The following NCR2 variants were observed in gnomAD, a reference collection of about 807,000 sequenced individuals.
NCR2 encodes natural cytotoxicity triggering receptor 2.
Under a neutral mutation model 30.7 loss-of-function variants are expected in NCR2, and 35 were observed. The observed-to-expected ratio is 1.14, with a 90% CI of 0.87 to 1.51. The LOEUF (loss-of-function observed/expected upper bound fraction) is 1.51. Among genes scored for constraint, NCR2 ranks in the 40% most tolerant of loss-of-function variants. The probability of loss-of-function intolerance (pLI) is 0.00; values close to 1 mark genes in which losing one functional copy is unlikely to be tolerated. For missense variants in NCR2, 316 were observed against 328.9 expected, an observed-to-expected ratio of 0.96 and a Z score of 0.30; for synonymous variants, 146 against 134.8, an observed-to-expected ratio of 1.08 and a Z score of -0.58.
intron 4 of NCR2, among the ~76,000 whole-genome samples, chr6:41,344,399 T>C (rs571038924): frequency 2.6e-5 from 4 of 152,332 alleles, no homozygotes; most frequent in African/African-American, 9.6e-5. Flanking sequence ...ACCCCCACAG[T>C]GCTGTTGTCT....
At chr6:41,342,964 C>T in intron 4 of NCR2, 1 of 1,550,624 alleles carries the variant, frequency 6.4e-7, no homozygotes, top group South Asian at 1.2e-5. Flanking sequence ...GTCTCTGCTG[C>T]ACCCAGCTCA....
intron 4 of NCR2, among the ~76,000 whole-genome samples, chr6:41,345,983 A>G (rs1451049917): frequency 1.3e-5 from 2 of 152,072 alleles, no homozygotes; most frequent in African/African-American, 4.8e-5. Flanking sequence ...GGGTGGGGTC[A>G]GTGTCCTCTG....
In NCR2 at chr6:41,335,907, C is replaced by T. The variant is rs375455161; in HGVS notation, c.31C>T (p.Leu11=). MAWRALHPLL[L]LLLLFPGSQA... The stretch of plus-strand genomic sequence containing the variant: ...CTGGCGAGCCCTACACCCACTGCTA[C>T]TGCTGCTGCTGCTGTTCCCAGGTGA... The change falls in exon 1 of 5, where the codon CTG becomes TTG. Residue 11 remains leucine, a synonymous_variant. Coordinates refer to ENST00000373089, the MANE Select transcript of NCR2 (RefSeq NM_004828.4). The T allele has an allele frequency of 6.8e-5, 105 of 1,552,680 alleles. No homozygotes were observed. The highest frequency in any genetic ancestry group is 8.9e-5 in the Non-Finnish European group (102 of 1,145,850).
At chr6:41,339,249 A>T (rs1008863578) in intron 2 of NCR2, among the ~76,000 whole-genome samples, 2 of 151,810 alleles carry the variant, frequency 1.3e-5, no homozygotes, top group Non-Finnish European at 2.9e-5. Context: ...TTTAGTAGAG[A>T]TGGGGTTTCA....
At chr6:41,344,508 C>A (rs75354367) in intron 4 of NCR2, among the ~76,000 whole-genome samples, 1 of 152,206 alleles carries the variant, frequency 6.6e-6, no homozygotes, top group Non-Finnish European at 1.5e-5. Context: ...TTTATTCCTA[C>A]TTTCTGAGAA....
At position 41,350,837 on chromosome 6, in the gene NCR2, C is replaced by T. The variant is rs369719490; in HGVS notation, c.804C>T (p.Ser268=). 3.5e-5 allele frequency: 32 copies of T among 921,304 alleles called. No individual in the cohort carries two copies. The highest frequency in any genetic ancestry group is 9.3e-5 in the South Asian group (7 of 74,872). 57.1% of individuals were successfully genotyped at this position (921,304 alleles called of 1,614,324 possible). A position where few individuals can be genotyped will look rare whatever the true frequency, so the allele number is the denominator to read the frequency against. ...ACACTGTTGCAAGGACTAAGATAAG[C>T]GATGATGATGATGAACACACTTTGT... ...LYHTVARTKI[S]DDDDEHTL is the part of the protein sequence containing the mutation. The change falls in exon 5 of 5, where the codon AGC becomes AGT. Residue 268 remains serine, a synonymous_variant. Coordinates refer to ENST00000373089, the MANE Select transcript of NCR2 (RefSeq NM_004828.4).
intron 2 of NCR2, among the ~76,000 whole-genome samples, chr6:41,337,647 G>A (rs1326032433): frequency 6.6e-6 from 1 of 152,146 alleles, no homozygotes; most frequent in Non-Finnish European, 1.5e-5. Flanking sequence ...AATACTCACA[G>A]TAGAAGCCCA....
chr6:41,346,203 GC>G (rs939610853), intron 4 of NCR2, among the ~76,000 whole-genome samples: 17 of 152,044 alleles, frequency 1.1e-4, no homozygotes, highest in African/African-American at 3.6e-4. Flanking sequence ...GTGATCTTGG[GC>G]CCACGTAGAC....
At position 41,342,799 on chromosome 6, in the gene NCR2, G is replaced by T. The variant is rs878920170; in HGVS notation, c.644+650G>T. The T allele has an allele frequency of 2.9e-5, 23 of 803,022 alleles. No homozygotes were observed. The South Asian group carries it at 3.8e-4, about 13-fold the overall frequency. 49.7% of individuals were successfully genotyped at this position (803,022 alleles called of 1,614,324 possible). A position where few individuals can be genotyped will look rare whatever the true frequency, so the allele number is the denominator to read the frequency against. ...CCATAGGTGGGGCTGAGTGAAAGGT[G>T]CAGGGACAACTCAGTCAGGCCAGGA... On this transcript the variant is annotated intron_variant, in intron 4 of 4. Transcript: ENST00000373089.
Position 41,350,863 on chromosome 6 carries a change from G to A in NCR2, c.830G>A (p.Ter277=), listed in dbSNP as rs1239457684. ...GATGATGATGATGAACACACTTTGT[G>A]AATAATAAAATTATCTGAATGTTTT... ...ISDDDDEHTL[*] is the part of the protein sequence containing the mutation. The change falls in exon 5 of 5, where the codon TGA becomes TAA. Residue 277 remains the stop codon, a stop_retained_variant. Coordinates refer to ENST00000373089, the MANE Select transcript of NCR2 (RefSeq NM_004828.4). 2 of 829,872 alleles carry A rather than the reference G, an allele frequency of 2.4e-6. No homozygotes were observed. The highest frequency in any genetic ancestry group is 4.2e-6 in the Non-Finnish European group (2 of 476,880). 51.4% of individuals were successfully genotyped at this position (829,872 alleles called of 1,614,324 possible).
intron 4 of NCR2, chr6:41,342,931 C>G (rs148148023): frequency 6.4e-7 from 1 of 1,550,478 alleles, no homozygotes. Context: ...TTTAAGGAAT[C>G]GGCACATGCA....
intron 4 of NCR2, among the ~76,000 whole-genome samples, chr6:41,343,867 G>T (rs1769237122): frequency 6.6e-6 from 1 of 152,162 alleles, no homozygotes; most frequent in East Asian, 1.9e-4. Flanking sequence ...GGTTTGGGCT[G>T]TTGGGCCTAG....
At chr6:41,348,072 T>C (rs775609519) in intron 4 of NCR2, among the ~76,000 whole-genome samples, 5 of 152,198 alleles carry the variant, frequency 3.3e-5, no homozygotes, top group Admixed American at 2.0e-4. Flanking sequence ...AAGCCAGTCA[T>C]TGGGTCCAGC....
intron 4 of NCR2, chr6:41,342,894 A>G: frequency 1.3e-6 from 2 of 1,542,230 alleles, no homozygotes; most frequent in East Asian, 2.4e-5. Flanking sequence ...AAGTCACTTC[A>G]TGTATTTCTC....
chr6:41,347,872 G>A (rs778055806), intron 4 of NCR2, among the ~76,000 whole-genome samples: 1 of 152,156 alleles, frequency 6.6e-6, no homozygotes, highest in Non-Finnish European at 1.5e-5. Context: ...GCCCAAGACG[G>A]TGCATCCTCA....
At chr6:41,347,166 G>A (rs1769320209) in intron 4 of NCR2, among the ~76,000 whole-genome samples, 1 of 152,156 alleles carries the variant, frequency 6.6e-6, no homozygotes, top group Non-Finnish European at 1.5e-5. Context: ...AGTGAACTAT[G>A]ATCGTGCCAC....
At chr6:41,339,551 AT>A (rs1362823787) in intron 2 of NCR2, among the ~76,000 whole-genome samples, 1 of 151,360 alleles carries the variant, frequency 6.6e-6, no homozygotes. Context: ...TGCCCGGCTA[AT>A]TTTTTTATAT....
In NCR2 at chr6:41,346,026, C is replaced by T. The variant is rs547297202; in HGVS notation, c.644+3877C>T. ...CACAGCCCCTTCCTATCTTCTGATC[C>T]TCCCTAAAGCACTCCACAAGTAGCT... On this transcript the variant is annotated intron_variant, in intron 4 of 4. Coordinates refer to ENST00000373089, the MANE Select transcript of NCR2 (RefSeq NM_004828.4). Among the ~76,000 whole-genome samples the T allele has an allele frequency of 8.5e-5, 13 of 152,256 alleles. No homozygotes were observed. In the East Asian group the frequency reaches 2.5e-3, roughly 29 times the overall value.
chr6:41,336,277 C>T lies in NCR2; in HGVS notation c.243C>T (p.Phe81=). The T allele has an allele frequency of 6.2e-7, 1 of 1,614,184 alleles. No homozygotes were observed. Among genetic ancestry groups the T allele is most frequent in the Non-Finnish European group, 8.5e-7 (1 of 1,180,030 alleles). The change falls in exon 2 of 5, where the codon TTC becomes TTT. Residue 81 remains phenylalanine, a synonymous_variant. Transcript: ENST00000373089. Reference sequence around the variant, plus strand: ...GGACGATGGCTTGGACCTCTCGATTCACAATCTGGGACGACCCTGATGCTG... The same window carrying T: ...GGACGATGGCTTGGACCTCTCGATTTACAATCTGGGACGACCCTGATGCTG... ...KPRTMAWTSR[F]TIWDDPDAGF... is the part of the protein sequence containing the mutation.
Sources: allele counts gnomAD v4.1 joint callset (sites outside exome capture counted in the v4.1 genomes callset), GRCh38; gene constraint gnomAD v4.1.1; transcripts MANE v1.5; gene names NCBI Gene and HGNC (gene_info 2026-07-23, HGNC 2026-07-21).